The following DYNLRB2 variants were observed in gnomAD, a reference collection of about 807,000 sequenced individuals.
DYNLRB2 encodes dynein light chain roadblock-type 2.
A neutral mutation model predicts 12.6 loss-of-function variants in DYNLRB2; 14 were observed. The observed-to-expected ratio is 1.11, with a 90% CI of 0.73 to 1.73. The LOEUF is 1.73. DYNLRB2 is among the 40% of genes most tolerant of loss of function. The pLI is 0.00. For synonymous variants in DYNLRB2, 53 were observed against 37.0 expected (o/e 1.43, Z -1.57); for missense variants, 142 against 117.7 (o/e 1.21, Z -0.95).
At chr16:80,543,422 T>C (rs1904308000) in intron 2 of DYNLRB2, 71 bp downstream of exon 2, 1 of 1,429,142 alleles carries the variant, frequency 7.0e-7, no homozygotes, top group South Asian at 1.2e-5. Flanking sequence ...TGTTAGTCCT[T>C]AAGACAAACA....
At chr16:80,545,849 G>GT (rs60244641) in intron 2 of DYNLRB2, among the ~76,000 whole-genome samples, 12 of 139,482 alleles carry the variant, frequency 8.6e-5, no homozygotes, top group East Asian at 6.3e-4. Context: ...CTAATTTTTT[G>GT]TTTTTTTTTT....
rs147544917 is a variant in DYNLRB2 at position 80,546,550 on chromosome 16, G to C, written c.80-2934G>C. Among the ~76,000 whole-genome samples, 22 of 152,166 alleles carry C rather than the reference G, an allele frequency of 1.4e-4. No individual in the cohort carries two copies. The East Asian group carries it at 4.2e-3, about 29-fold the overall frequency. ...ACCGTAAAGTAGTCTTCCCAATTTA[G>C]CCCAATGCTACACGTTTTTATTAGA... On this transcript the variant is annotated intron_variant, in intron 2 of 3. Coordinates refer to ENST00000305904, the MANE Select transcript of DYNLRB2 (RefSeq NM_130897.3).
intron 2 of DYNLRB2, among the ~76,000 whole-genome samples, chr16:80,545,039 TG>T (rs1468158241): frequency 1.3e-5 from 2 of 152,096 alleles, no homozygotes; most frequent in African/African-American, 4.8e-5. Context: ...TTTGGGGATT[TG>T]GGGGGTCTAG....
At chr16:80,544,192 AACT>A (rs1904322972) in intron 2 of DYNLRB2, among the ~76,000 whole-genome samples, 4 of 152,204 alleles carry the variant, frequency 2.6e-5, no homozygotes, top group African/African-American at 9.6e-5. Context: ...TTAAATTCTG[AACT>A]ACAACTCCTT....
At chr16:80,541,547 G>A (rs191540087) in intron 1 of DYNLRB2, among the ~76,000 whole-genome samples, 29 of 151,426 alleles carry the variant, frequency 1.9e-4, no homozygotes, top group Admixed American at 1.9e-3. Context: ...AAAGAAAAAG[G>A]AAAGAAGTGA....
In DYNLRB2 at chr16:80,550,590, C is replaced by A; in HGVS notation, c.*32C>A. 1 of 1,613,520 alleles carries A rather than the reference C, an allele frequency of 6.2e-7. No homozygotes were observed. Reference sequence around the variant, plus strand: ...GATGGCCAAGGCTGTTTAAGCGACACTGGGTTGGAAACACTTGGCTCTCTC... The same window carrying A: ...GATGGCCAAGGCTGTTTAAGCGACAATGGGTTGGAAACACTTGGCTCTCTC... On this transcript the variant is annotated 3_prime_UTR_variant, in exon 4 of 4. Coordinates refer to ENST00000305904, the MANE Select transcript of DYNLRB2 (RefSeq NM_130897.3).
intron 2 of DYNLRB2, among the ~76,000 whole-genome samples, chr16:80,545,247 T>C (rs1367017981): frequency 6.6e-6 from 1 of 152,146 alleles, no homozygotes; most frequent in Non-Finnish European, 1.5e-5. Context: ...GAAGAAAATA[T>C]CTAGGTATGA....
intron 1 of DYNLRB2, 157 bp downstream of exon 1, chr16:80,541,236 G>A: frequency 1.0e-6 from 1 of 964,118 alleles, no homozygotes; most frequent in Non-Finnish European, 1.2e-6. Flanking sequence ...GCGAGAGGGA[G>A]ACCTTGGAAA....
intron 3 of DYNLRB2, among the ~76,000 whole-genome samples, 199 bp from the exon 4 acceptor site, chr16:80,550,316 T>C (rs1320397161): frequency 6.6e-6 from 1 of 152,134 alleles, no homozygotes; most frequent in Non-Finnish European, 1.5e-5. Flanking sequence ...CCCAAACCAA[T>C]GAAATCAGAA....
At position 80,549,618 on chromosome 16, in the gene DYNLRB2, A is replaced by G; in HGVS notation, c.214A>G (p.Arg72Gly). 1.2e-6 allele frequency: 2 copies of G among 1,608,432 alleles called. No homozygotes were observed. The highest frequency in any genetic ancestry group is 1.7e-6 in the Non-Finnish European group (2 of 1,175,688). ...GAACGACCTGACTTTTCTTAGGATCAGATCAAAGAAACATGAAATCATGGT... is the reference window on the plus strand; with the variant it reads ...GAACGACCTGACTTTTCTTAGGATCGGATCAAAGAAACATGAAATCATGGT... ...PQNDLTFLRIRSKKHEIMVAP... is the reference protein window; with the variant it reads ...PQNDLTFLRIGSKKHEIMVAP... Residue 72 changes from arginine to glycine, a missense_variant, in exon 3 of 4, where the codon AGA becomes GGA. Physicochemically the swap from Arg to Gly is moderately radical, Grantham distance 125. Coordinates refer to ENST00000305904, the MANE Select transcript of DYNLRB2 (RefSeq NM_130897.3).
chr16:80,547,724 T>A (rs948256486), intron 2 of DYNLRB2: 2 of 455,236 alleles, frequency 4.4e-6, no homozygotes, highest in Admixed American at 2.4e-5. Flanking sequence ...AAAGGTTGCA[T>A]GCTTGCTACG....
chr16:80,543,741 G>GTCTTTATTTTA (rs1187545230), intron 2 of DYNLRB2, among the ~76,000 whole-genome samples: 1 of 152,180 alleles, frequency 6.6e-6, no homozygotes, highest in Non-Finnish European at 1.5e-5. Context: ...CAGAATTTCA[G>GTCTTTATTTTA]TGTTTATTTT....
Position 80,541,070 on chromosome 16 carries a change from C to T in DYNLRB2, c.-7C>T, listed in dbSNP as rs746350545. The stretch of plus-strand genomic sequence containing the variant: ...CGGCCTGAGCCCAGAGTTTCGCGGC[C>T]TCCGCGATGGTAAATCTGGGGTCTC... On this transcript the variant is annotated 5_prime_UTR_variant, in exon 1 of 4. Coordinates refer to ENST00000305904, the MANE Select transcript of DYNLRB2 (RefSeq NM_130897.3). 3.0e-5 allele frequency: 48 copies of T among 1,608,154 alleles called. 1 individual carries two copies. In the South Asian group the frequency reaches 5.2e-4, roughly 17 times the overall value.
At position 80,542,073 on chromosome 16, in the gene DYNLRB2, T is replaced by A. The variant is rs1904293207; in HGVS notation, c.3+994T>A. ...CTTAATACCACTGTCATTTGGAAAT[T>A]TCCATTTTTTCATCCGAAGAGCAGG... On this transcript the variant is annotated intron_variant, in intron 1 of 3. Coordinates refer to ENST00000305904, the MANE Select transcript of DYNLRB2 (RefSeq NM_130897.3). Among the ~76,000 whole-genome samples the A allele has an allele frequency of 2.6e-5, 4 of 152,174 alleles. No individual in the cohort carries two copies. The South Asian group carries it at 8.3e-4, about 32-fold the overall frequency.
In DYNLRB2 at chr16:80,550,510, C is replaced by G; in HGVS notation, c.248-5C>G. 1 of 1,613,992 alleles carries G rather than the reference C, an allele frequency of 6.2e-7. No individual in the cohort carries two copies. Among genetic ancestry groups the G allele is most frequent in the Non-Finnish European group, 8.5e-7 (1 of 1,179,898 alleles). ...GGTGAATTGATTTTATCCATCTCTC[C>G]ATAGATAAGGAATATCTTCTGATCG... On this transcript the variant is annotated splice_region_variant and splice_polypyrimidine_tract_variant and intron_variant, in intron 3 of 3. Coordinates refer to ENST00000305904, the MANE Select transcript of DYNLRB2 (RefSeq NM_130897.3).
intron 1 of DYNLRB2, chr16:80,541,384 C>G: frequency 4.1e-6 from 4 of 984,260 alleles, no homozygotes; most frequent in Non-Finnish European, 4.8e-6. Flanking sequence ...GTGAGAAATC[C>G]GGGGAGCCAG....
intron 2 of DYNLRB2, among the ~76,000 whole-genome samples, chr16:80,545,926 C>T (rs1904436908): frequency 6.6e-6 from 1 of 151,944 alleles, no homozygotes; most frequent in Non-Finnish European, 1.5e-5. Context: ...ACCTCGGCCT[C>T]CCAAAGTGCT....
intron 2 of DYNLRB2, among the ~76,000 whole-genome samples, chr16:80,546,095 A>G (rs1904449296): frequency 6.6e-6 from 1 of 152,158 alleles, no homozygotes; most frequent in Non-Finnish European, 1.5e-5. Flanking sequence ...TTTTTTCCCT[A>G]AAATATAAAT....
At chr16:80,546,054 T>G (rs1028847087) in intron 2 of DYNLRB2, among the ~76,000 whole-genome samples, 1 of 152,178 alleles carries the variant, frequency 6.6e-6, no homozygotes, top group East Asian at 1.9e-4. Flanking sequence ...TCTGGGTACT[T>G]AAGAGTTTTT....
Sources: gnomAD v4.1 joint callset for allele counts (sites outside exome capture counted in the v4.1 genomes callset) on GRCh38, gnomAD v4.1.1 for gene constraint, MANE v1.5 for transcripts, NCBI Gene and HGNC (gene_info 2026-07-23, HGNC 2026-07-21) for gene names.